RARB: variants seen among roughly 807,000 people sequenced by gnomAD.
RARB encodes the protein HBV-activated protein.
RARB carries 17 observed loss-of-function variants against 51.9 expected under a neutral mutation model. The ratio of observed to expected loss-of-function variants is 0.33; its 90% CI spans 0.22 to 0.49. The LOEUF is 0.49. Ranked by LOEUF, RARB falls within the 20% of genes least tolerant of loss-of-function variation. The pLI is 0.99. For synonymous variants in RARB, 215 were observed against 195.4 expected (o/e 1.10, Z -0.84); for missense variants, 369 against 550.8 (o/e 0.67, Z 3.30).
At chr3:24,841,481 A>G (rs1233156557) in intron 1 of RARB, among the ~76,000 whole-genome samples, 1 of 152,180 alleles carries the variant, frequency 6.6e-6, no homozygotes, top group Non-Finnish European at 1.5e-5. Flanking sequence ...CAGTTTTGAA[A>G]TCCCATATAT....
chr3:24,858,887 A>G (rs1255330603), intron 2 of RARB: 2 of 152,024 alleles, frequency 1.3e-5, no homozygotes, highest in Admixed American at 1.3e-4. Context: ...AAATACAAAA[A>G]TTAGCCGGGC....
At chr3:25,158,737 TAAAG>T (rs1188151846) in intron 4 of RARB, among the ~76,000 whole-genome samples, 1 of 152,178 alleles carries the variant, frequency 6.6e-6, no homozygotes, top group East Asian at 1.9e-4. Context: ...CTAAATACAA[TAAAG>T]ATTTATTTCT....
intron 2 of RARB, among the ~76,000 whole-genome samples, chr3:25,006,788 T>C (rs778205806): frequency 3.4e-4 from 52 of 152,172 alleles, no homozygotes; most frequent in Admixed American, 1.0e-3. Context: ...GAGTAGACAT[T>C]ACACCTTAGA....
At chr3:25,124,049 C>T (rs1053645846) in intron 3 of RARB, among the ~76,000 whole-genome samples, 6 of 152,116 alleles carry the variant, frequency 3.9e-5, no homozygotes, top group African/African-American at 1.4e-4. Context: ...CCAGTACTCA[C>T]CCGGGGAGGG....
chr3:25,424,592 G>A (rs1415970554), upstream of RARB, among the ~76,000 whole-genome samples: 2 of 152,180 alleles, frequency 1.3e-5, no homozygotes, highest in African/African-American at 2.4e-5. Flanking sequence ...ACATGAAAGA[G>A]CTGGGCATGT....
rs149666736 is a variant in RARB at position 25,050,256 on chromosome 3, T to C, written c.-379-9869T>C. Reference sequence around the variant, plus strand: ...TCCCAGGCTGTGGCTGTGGAAAGAGTCTAGAGGGCACATTTACTATGTCAA... The same window carrying C: ...TCCCAGGCTGTGGCTGTGGAAAGAGCCTAGAGGGCACATTTACTATGTCAA... On this transcript the variant is annotated intron_variant, in intron 2 of 11. Transcript: ENST00000383772. 8.0e-4 allele frequency among the ~76,000 whole-genome samples: 121 copies of C among 151,856 alleles called. 2 individuals carry two copies. In the East Asian group the frequency reaches 0.023, roughly 28 times the overall value.
At chr3:25,062,285 G>A (rs1420274461) in intron 3 of RARB, among the ~76,000 whole-genome samples, 1 of 151,840 alleles carries the variant, frequency 6.6e-6, no homozygotes, top group Admixed American at 6.6e-5. Context: ...GCTATATTTT[G>A]TGTTTTGCCT....
At chr3:24,926,718 G>A (rs1455340490) in intron 2 of RARB, among the ~76,000 whole-genome samples, 1 of 151,906 alleles carries the variant, frequency 6.6e-6, no homozygotes, top group Non-Finnish European at 1.5e-5. Context: ...ACCTGGACAG[G>A]CATATATAAA....
intron 5 of RARB, among the ~76,000 whole-genome samples, chr3:25,288,743 T>C (rs1703713823): frequency 6.7e-6 from 1 of 149,602 alleles, no homozygotes; most frequent in Non-Finnish European, 1.5e-5. Flanking sequence ...AGAGAAATTA[T>C]CTTTTGGAAC....
rs144965925 is a variant in RARB, at chr3:25,385,445, C to T, written c.179-75748C>T. On this transcript the variant is annotated intron_variant, in intron 5 of 11. Coordinates refer to the RARB transcript ENST00000383772. ...TTATTAAATTCACTTTTATGAGGCACCTGTCCTACATGTCAGCTACTGGAC... is the reference window on the plus strand; with the variant it reads ...TTATTAAATTCACTTTTATGAGGCATCTGTCCTACATGTCAGCTACTGGAC... Among the ~76,000 whole-genome samples the T allele has an allele frequency of 2.4e-3, 363 of 152,230 alleles. 1 individual carries two copies. The highest frequency in any genetic ancestry group is 8.2e-3 in the African/African-American group (341 of 41,540).
chr3:25,279,757 C>T (rs750827337), intron 5 of RARB, among the ~76,000 whole-genome samples: 1 of 152,000 alleles, frequency 6.6e-6, no homozygotes. Context: ...GATATATTAG[C>T]TTTTAGGCAT....
chr3:24,884,782 C>T (rs751322362), intron 2 of RARB, among the ~76,000 whole-genome samples: 1 of 152,006 alleles, frequency 6.6e-6, no homozygotes, highest in Non-Finnish European at 1.5e-5. Context: ...TGTAGGAGCT[C>T]TATTTGAAAA....
At chr3:24,859,389 G>A (rs1475003792) in intron 2 of RARB, among the ~76,000 whole-genome samples, 1 of 152,166 alleles carries the variant, frequency 6.6e-6, no homozygotes, top group Admixed American at 6.5e-5. Flanking sequence ...TAAGTTTTTA[G>A]TACAACTCTC....
intron 3 of RARB, among the ~76,000 whole-genome samples, chr3:25,087,574 G>A (rs892593804): frequency 2.0e-5 from 3 of 152,050 alleles, no homozygotes; most frequent in African/African-American, 7.2e-5. Context: ...TCATAGGTTC[G>A]TTCAGAAGAA....
At chr3:25,095,255 T>G (rs541693140) in intron 3 of RARB, among the ~76,000 whole-genome samples, 2 of 152,224 alleles carry the variant, frequency 1.3e-5, no homozygotes, top group African/African-American at 2.4e-5. Flanking sequence ...GATACTGATA[T>G]GCAGCAGAAT....
rs186066911 is a variant in RARB at position 25,459,067 on chromosome 3, G to A, written c.158-2126G>A. On this transcript the variant is annotated intron_variant, in intron 1 of 7. Coordinates refer to ENST00000330688, the MANE Select transcript of RARB (RefSeq NM_000965.5). ...TATGAAACTCAATATTTAGAGTATA[G>A]GGGATGGCAGATGTAGAATATAAAA... Among the ~76,000 whole-genome samples the A allele has an allele frequency of 3.0e-4, 46 of 152,286 alleles. 1 individual carries two copies. Among genetic ancestry groups the A allele is most frequent in the African/African-American group, 1.1e-3 (45 of 41,570 alleles).
intron 2 of RARB, among the ~76,000 whole-genome samples, chr3:24,883,362 GT>G: frequency 8.2e-6 from 1 of 121,214 alleles, no homozygotes; most frequent in Non-Finnish European, 1.6e-5. Context: ...ATCATTGTGT[GT>G]GTGTGTGTGT....
chr3:25,514,415 C>A (rs963213258), intron 3 of RARB, among the ~76,000 whole-genome samples: 5 of 152,038 alleles, frequency 3.3e-5, no homozygotes, highest in African/African-American at 4.8e-5. Context: ...AAGCAAACAC[C>A]CTGTTTTCTC....
At chr3:25,406,897 A>G (rs2125498126) in intron 5 of RARB, among the ~76,000 whole-genome samples, 1 of 152,300 alleles carries the variant, frequency 6.6e-6, no homozygotes, top group African/African-American at 2.4e-5. Context: ...AAGCATCTTG[A>G]TGGCTGCTAA....
Sources: gnomAD v4.1 joint callset for allele counts (sites outside exome capture counted in the v4.1 genomes callset) on GRCh38, gnomAD v4.1.1 for gene constraint, MANE v1.5 for transcripts, NCBI Gene and HGNC (gene_info 2026-07-23, HGNC 2026-07-21) for gene names.